The following SLC4A4 variants were observed in gnomAD, a reference collection of about 807,000 sequenced individuals.
SLC4A4 encodes the protein solute carrier family 4 member 4.
A neutral mutation model predicts 111.5 loss-of-function variants in SLC4A4; 27 were observed. That is an observed-to-expected ratio of 0.24 (90% CI 0.18 to 0.33). SLC4A4 has a LOEUF of 0.33. Among genes scored for constraint, SLC4A4 ranks in the 10% least tolerant of loss-of-function variants. SLC4A4 has a pLI of 1.00. For missense variants in SLC4A4, 909 were observed against 1,315.5 expected, an observed-to-expected ratio of 0.69 and a Z score of 4.78; for synonymous variants, 443 against 463.4, an observed-to-expected ratio of 0.96 and a Z score of 0.57.
At chr4:71,301,126 G>T (rs918515029) in intron 3 of SLC4A4, 2 of 361,574 alleles carry the variant, frequency 5.5e-6, no homozygotes, top group Non-Finnish European at 1.1e-5. Context: ...CACAGTGCCA[G>T]CATGGGGGAT....
intron 4 of SLC4A4, among the ~76,000 whole-genome samples, chr4:71,345,940 C>T (rs1300750106): frequency 6.6e-6 from 1 of 152,030 alleles, no homozygotes; most frequent in Admixed American, 6.6e-5. Context: ...CTAACGTTGG[C>T]TTCTTTTAGG....
rs776904118 is a variant in SLC4A4 at position 71,255,268 on chromosome 4, G to A, written c.122G>A (p.Arg41Lys). 6 of 1,613,452 alleles carry A rather than the reference G, an allele frequency of 3.7e-6. No homozygotes were observed. The highest frequency in any genetic ancestry group is 2.7e-5 in the African/African-American group (2 of 74,996). The change falls in exon 3 of 26, where the codon AGA becomes AAA. Residue 41 changes from arginine to lysine, a missense_variant. Physicochemically the swap from Arg to Lys is conservative, Grantham distance 26. This residue lies in a region of SLC4A4 where 117 missense variants were observed against 154.2 expected (regional missense o/e 0.76). Coordinates refer to ENST00000264485, the MANE Select transcript of SLC4A4 (RefSeq NM_001098484.3). ...IGVHVPKSYR[R>K]RRRHKRKTGH... ...GTCCATGTGCCGAAGAGTTACAGGA[G>A]AAGGAGACGTCACAAGAGAAAGACA...
chr4:71,172,302 C>G (rs2148982905), intron 2 of SLC4A4, among the ~76,000 whole-genome samples: 1 of 150,486 alleles, frequency 6.6e-6, no homozygotes, highest in South Asian at 2.1e-4. Flanking sequence ...TGTCGCCAGG[C>G]TGGAGTGCAG....
chr4:71,355,972 C>G (rs1284604420), intron 5 of SLC4A4, among the ~76,000 whole-genome samples: 1 of 152,214 alleles, frequency 6.6e-6, no homozygotes, highest in East Asian at 1.9e-4. Context: ...GGATCCATTA[C>G]TCACATTCTG....
intron 7 of SLC4A4, among the ~76,000 whole-genome samples, chr4:71,401,039 T>C (rs1459538864): frequency 6.6e-6 from 1 of 152,202 alleles, no homozygotes; most frequent in Non-Finnish European, 1.5e-5. Flanking sequence ...CTGATTATTC[T>C]GCCTGGATAC....
chr4:71,410,418 C>A (rs531900547), intron 7 of SLC4A4, among the ~76,000 whole-genome samples: 29 of 152,294 alleles, frequency 1.9e-4, no homozygotes, highest in African/African-American at 7.0e-4. Context: ...CATTTTGGAG[C>A]TTTAAAATTT....
At chr4:71,456,583 C>T (rs952710038) in intron 12 of SLC4A4, among the ~76,000 whole-genome samples, 16 of 151,964 alleles carry the variant, frequency 1.1e-4, no homozygotes, top group African/African-American at 3.9e-4. Flanking sequence ...GTGCTAAGGC[C>T]CAGGTCATTT....
intron 4 of SLC4A4, among the ~76,000 whole-genome samples, chr4:71,341,594 C>A (rs2148891998): frequency 6.6e-6 from 1 of 152,160 alleles, no homozygotes; most frequent in South Asian, 2.1e-4. Flanking sequence ...TTTAAAATTT[C>A]TTACATCATA....
At chr4:71,223,468 T>G (rs1417694346) in intron 1 of SLC4A4, among the ~76,000 whole-genome samples, 2 of 152,206 alleles carry the variant, frequency 1.3e-5, no homozygotes, top group African/African-American at 4.8e-5. Flanking sequence ...CGGCCTGCAC[T>G]GACATTCTTT....
intron 2 of SLC4A4, among the ~76,000 whole-genome samples, chr4:71,099,506 G>A (rs6447020): frequency 0.94 from 143,119 of 152,184 alleles, 67,554 homozygotes; most frequent in East Asian, 1. Context: ...TCTCAAATTA[G>A]CAACCTAACA....
Position 71,156,110 on chromosome 4 carries a change from G to A in SLC4A4, c.-2+63318G>A, listed in dbSNP as rs1744455427. 2.0e-5 allele frequency among the ~76,000 whole-genome samples: 3 copies of A among 152,306 alleles called. No homozygotes were observed. In the South Asian group the frequency reaches 6.2e-4, roughly 32 times the overall value. ...TACATAAAAGCCAAGTTTTGGACTT[G>A]TGGGAATGATGATGCAGGGCATCAC... On this transcript the variant is annotated intron_variant, in intron 2 of 26. Coordinates refer to the SLC4A4 transcript ENST00000649996.
chr4:71,137,959 G>A (rs377345652), intron 2 of SLC4A4, among the ~76,000 whole-genome samples: 1 of 152,220 alleles, frequency 6.6e-6, no homozygotes, highest in East Asian at 1.9e-4. Context: ...TGCACTGGGG[G>A]CTTCTCTTTT....
chr4:71,367,153 AG>A (rs1459183249), intron 6 of SLC4A4, among the ~76,000 whole-genome samples: 1 of 152,182 alleles, frequency 6.6e-6, no homozygotes, highest in African/African-American at 2.4e-5. Context: ...ATACACTGAC[AG>A]GTTGAGGGGA....
intron 2 of SLC4A4, among the ~76,000 whole-genome samples, chr4:71,143,721 T>C (rs2148967743): frequency 6.6e-6 from 1 of 152,396 alleles, no homozygotes; most frequent in East Asian, 1.9e-4. Flanking sequence ...TTTTACTGTG[T>C]CTTTTGGCTG....
chr4:71,512,814 G>A lies in SLC4A4; in HGVS notation c.2166+15122G>A, dbSNP rs772923084. 2.0e-5 allele frequency among the ~76,000 whole-genome samples: 3 copies of A among 152,156 alleles called. 1 individual carries two copies. Among genetic ancestry groups the A allele is most frequent in the Admixed American group, 1.3e-4 (2 of 15,276 alleles). ...CAATGTTGAGTTGATGTTTGCATATGGTGAGGTAGGAGTCCAGTTGTATTC... is the reference window on the plus strand; with the variant it reads ...CAATGTTGAGTTGATGTTTGCATATAGTGAGGTAGGAGTCCAGTTGTATTC... On this transcript the variant is annotated intron_variant, in intron 16 of 25. Coordinates refer to ENST00000264485, the MANE Select transcript of SLC4A4 (RefSeq NM_001098484.3).
chr4:71,490,875 A>G (rs1729836744), intron 15 of SLC4A4, among the ~76,000 whole-genome samples: 1 of 151,954 alleles, frequency 6.6e-6, no homozygotes, highest in South Asian at 2.1e-4. Flanking sequence ...ATGATGGCAC[A>G]CACCTGTAGG....
chr4:71,441,646 T>C (rs1724727303), intron 8 of SLC4A4, among the ~76,000 whole-genome samples: 1 of 152,160 alleles, frequency 6.6e-6, no homozygotes, highest in Non-Finnish European at 1.5e-5. Flanking sequence ...GCTCAGACGG[T>C]CTGAGCATGA....
In SLC4A4 at chr4:71,091,657, C is replaced by T. The variant is rs182348642; in HGVS notation, c.-64-1073C>T. On this transcript the variant is annotated intron_variant, in intron 1 of 26. Transcript: ENST00000649996. ...CCAGCAATGGGTCATAGTCTACTCA[C>T]AATCAGCGTTTCTATGGACATTCTG... 9.2e-5 allele frequency among the ~76,000 whole-genome samples: 14 copies of T among 152,240 alleles called. No homozygotes were observed. The East Asian group carries it at 1.7e-3, about 19-fold the overall frequency.
At chr4:71,079,644 C>CACACACCT (rs1297778989) in intron 1 of SLC4A4, among the ~76,000 whole-genome samples, 2 of 151,996 alleles carry the variant, frequency 1.3e-5, no homozygotes, top group Non-Finnish European at 2.9e-5. Context: ...GGCGTGGTGG[C>CACACACCT]ACACACCTGT....
Sources: allele counts gnomAD v4.1 joint callset (sites outside exome capture counted in the v4.1 genomes callset), GRCh38; gene constraint gnomAD v4.1.1; regional missense constraint gnomAD v4.1.1; transcripts MANE v1.5; gene names NCBI Gene and HGNC (gene_info 2026-07-23, HGNC 2026-07-21).